The following RBFOX2 variants were observed in gnomAD, a reference collection of about 807,000 sequenced individuals.
RBFOX2 encodes the protein RNA binding protein fox-1 homolog 2.
A neutral mutation model predicts 49.1 loss-of-function variants in RBFOX2; 10 were observed. The observed-to-expected ratio is 0.20, with a 90% CI of 0.13 to 0.35. RBFOX2 has a LOEUF of 0.35. Ranked by LOEUF, RBFOX2 falls within the 10% of genes least tolerant of loss-of-function variation. The probability of loss-of-function intolerance (pLI) is 1.00; values close to 1 mark genes in which losing one functional copy is unlikely to be tolerated. For missense variants in RBFOX2, 323 were observed against 486.9 expected (o/e 0.66, Z 3.17); for synonymous variants, 183 against 187.4 (o/e 0.98, Z 0.19).
At chr22:35,972,658 CACA>C (rs2056944250) in intron 1 of RBFOX2, among the ~76,000 whole-genome samples, 1 of 152,184 alleles carries the variant, frequency 6.6e-6, no homozygotes. Flanking sequence ...TAAGAGTACA[CACA>C]AAACTGGCCT....
At chr22:35,941,122 T>C (rs2053645229), upstream of RBFOX2, among the ~76,000 whole-genome samples, 1 of 152,170 alleles carries the variant, frequency 6.6e-6, no homozygotes. Flanking sequence ...AAAATAATAA[T>C]AGTTATAGGC....
chr22:35,875,881 G>A (rs1215648997), intron 1 of RBFOX2, among the ~76,000 whole-genome samples: 1 of 151,926 alleles, frequency 6.6e-6, no homozygotes, highest in Non-Finnish European at 1.5e-5. Flanking sequence ...TTTGTTTTGT[G>A]AAATAGTAAA....
intron 2 of RBFOX2, among the ~76,000 whole-genome samples, chr22:35,805,032 A>C (rs1569185396): frequency 6.6e-6 from 1 of 152,168 alleles, no homozygotes; most frequent in Non-Finnish European, 1.5e-5. Flanking sequence ...TCACGCCTGT[A>C]ATCCCAGCAC....
intron 1 of RBFOX2, among the ~76,000 whole-genome samples, chr22:35,889,363 T>A (rs1404729339): frequency 6.6e-6 from 1 of 152,088 alleles, no homozygotes; most frequent in Non-Finnish European, 1.5e-5. Flanking sequence ...CTCTTGAACA[T>A]CTCAAAGTTA....
intron 1 of RBFOX2, among the ~76,000 whole-genome samples, chr22:35,861,091 G>A (rs1188826347): frequency 6.6e-6 from 1 of 152,206 alleles, no homozygotes; most frequent in Non-Finnish European, 1.5e-5. Flanking sequence ...AGAAAGAACA[G>A]TCTTTTCAAC....
intron 1 of RBFOX2, among the ~76,000 whole-genome samples, chr22:35,988,772 T>C (rs1348183483): frequency 3.3e-5 from 5 of 152,138 alleles, no homozygotes; most frequent in Non-Finnish European, 5.9e-5. Context: ...AACGCAATGA[T>C]GTGGGATGGG....
intron 1 of RBFOX2, among the ~76,000 whole-genome samples, chr22:35,847,581 C>A (rs2041376054): frequency 6.6e-6 from 1 of 151,814 alleles, no homozygotes; most frequent in South Asian, 2.1e-4. Context: ...TATAAATGCA[C>A]TGAAAAAAAC....
chr22:35,771,536 G>A (rs1017556514), intron 4 of RBFOX2, among the ~76,000 whole-genome samples: 1 of 152,122 alleles, frequency 6.6e-6, no homozygotes. Flanking sequence ...TAAGCCACCC[G>A]ACTTGTGGTA....
chr22:36,012,908 G>C (rs1429191575), intron 1 of RBFOX2, among the ~76,000 whole-genome samples: 1 of 152,000 alleles, frequency 6.6e-6, no homozygotes, highest in Non-Finnish European at 1.5e-5. Context: ...GGGATTACAG[G>C]TGTCTGCCAC....
chr22:35,931,144 G>C (rs2052347858), intron 1 of RBFOX2, among the ~76,000 whole-genome samples: 1 of 152,108 alleles, frequency 6.6e-6, no homozygotes, highest in South Asian at 2.1e-4. Context: ...CAACACCACA[G>C]AAGGACCTAA....
intron 2 of RBFOX2, among the ~76,000 whole-genome samples, chr22:35,797,870 G>C (rs964120721): frequency 6.6e-6 from 1 of 152,186 alleles, no homozygotes; most frequent in Non-Finnish European, 1.5e-5. Context: ...CTTCACTGCA[G>C]GCTATGGGTT....
intron 1 of RBFOX2, among the ~76,000 whole-genome samples, chr22:35,896,131 T>C (rs1026478428): frequency 3.3e-5 from 5 of 152,206 alleles, no homozygotes; most frequent in African/African-American, 1.2e-4. Flanking sequence ...CTCCTTTCTC[T>C]GTGGGGACTG....
upstream of RBFOX2, among the ~76,000 whole-genome samples, chr22:35,844,541 C>T (rs2040920888): frequency 6.6e-6 from 1 of 151,944 alleles, no homozygotes; most frequent in Admixed American, 6.6e-5. Flanking sequence ...GTTGCCCAGG[C>T]TGGAGTGCAG....
chr22:35,800,861 C>G (rs930399042), intron 2 of RBFOX2, among the ~76,000 whole-genome samples: 1 of 152,188 alleles, frequency 6.6e-6, no homozygotes, highest in Admixed American at 6.5e-5. Flanking sequence ...GTTACATAAA[C>G]AGCAGTCAGC....
chr22:35,833,617 A>G (rs2148710354), intron 1 of RBFOX2, among the ~76,000 whole-genome samples: 1 of 152,350 alleles, frequency 6.6e-6, no homozygotes, highest in Non-Finnish European at 1.5e-5. Context: ...GATACATAAT[A>G]TGAATAATTA....
chr22:36,004,248 G>A (rs1435619759), intron 1 of RBFOX2, among the ~76,000 whole-genome samples: 1 of 152,070 alleles, frequency 6.6e-6, no homozygotes, highest in African/African-American at 2.4e-5. Flanking sequence ...TCAAAACTGA[G>A]ACTCCAAGTT....
At chr22:35,915,913 A>C (rs1295766718) in intron 1 of RBFOX2, among the ~76,000 whole-genome samples, 1 of 152,184 alleles carries the variant, frequency 6.6e-6, no homozygotes, top group Non-Finnish European at 1.5e-5. Flanking sequence ...AGCACAAGCA[A>C]ATCAGCTCCA....
intron 2 of RBFOX2, among the ~76,000 whole-genome samples, chr22:35,804,276 T>G (rs1950294519): frequency 6.6e-6 from 1 of 151,084 alleles, no homozygotes; most frequent in South Asian, 2.1e-4. Context: ...AGACTTCATC[T>G]CGGGGGAAAA....
In RBFOX2 at chr22:36,006,659, C is replaced by G. The variant is rs1036881485; in HGVS notation, c.186+21581G>C. On this transcript the variant is annotated intron_variant, in intron 1 of 13. Coordinates refer to the RBFOX2 transcript ENST00000438146. ...ACTACCAACGACACTTTGGGCAAATCCCTTGCTCGCATGCCCTCCACCCCA... is the reference window on the plus strand; with the variant it reads ...ACTACCAACGACACTTTGGGCAAATGCCTTGCTCGCATGCCCTCCACCCCA... Among the ~76,000 whole-genome samples, 38 of 152,172 alleles carry G rather than the reference C, an allele frequency of 2.5e-4. 1 individual carries two copies. Among genetic ancestry groups the G allele is most frequent in the Admixed American group, 2.2e-3 (34 of 15,276 alleles).
Sources: allele counts gnomAD v4.1 joint callset (sites outside exome capture counted in the v4.1 genomes callset), GRCh38; gene constraint gnomAD v4.1.1; transcripts MANE v1.5; gene names NCBI Gene and HGNC (gene_info 2026-07-23, HGNC 2026-07-21).